WWOX: variants seen among roughly 807,000 people sequenced by gnomAD.
WWOX encodes WW domain containing oxidoreductase.
WWOX carries 69 observed loss-of-function variants against 46.2 expected under a neutral mutation model. The ratio of observed to expected loss-of-function variants is 1.49; its 90% confidence interval spans 1.23 to 1.82. The LOEUF is 1.82. WWOX is among the 40% of genes most tolerant of loss of function. The pLI, the probability that WWOX is intolerant of heterozygous loss-of-function variation, is 0.00. For missense variants in WWOX, 919 were observed against 542.6 expected (o/e 1.69, Z -6.89); for synonymous variants, 359 against 202.6 (o/e 1.77, Z -6.56).
At chr16:78,756,872 T>C (rs1159204868) in intron 8 of WWOX, 1 of 702,232 alleles carries the variant, frequency 1.4e-6, no homozygotes, top group Non-Finnish European at 2.6e-6. Flanking sequence ...TCAGAGCATG[T>C]GACTTACGAG....
At chr16:78,445,513 C>G (rs896402193) in intron 8 of WWOX, among the ~76,000 whole-genome samples, 17 of 152,216 alleles carry the variant, frequency 1.1e-4, no homozygotes, top group African/African-American at 4.1e-4. Flanking sequence ...AGACAAACCA[C>G]TCCGACTTCA....
At chr16:78,363,227 T>C (rs1425620331) in intron 5 of WWOX, among the ~76,000 whole-genome samples, 1 of 152,068 alleles carries the variant, frequency 6.6e-6, no homozygotes, top group Non-Finnish European at 1.5e-5. Context: ...GTCAATTCCA[T>C]ATATTTTTAA....
At chr16:79,086,296 A>G (rs1003699328) in intron 8 of WWOX, among the ~76,000 whole-genome samples, 10 of 152,200 alleles carry the variant, frequency 6.6e-5, no homozygotes, top group African/African-American at 2.2e-4. Flanking sequence ...CTAGTTTCTT[A>G]TTACAAATTA....
intron 8 of WWOX, among the ~76,000 whole-genome samples, chr16:78,688,983 C>T (rs976840136): frequency 3.9e-5 from 6 of 152,192 alleles, no homozygotes; most frequent in South Asian, 4.1e-4. Flanking sequence ...GCTTTCCCTT[C>T]CACCATGATT....
At chr16:79,180,661 C>T (rs1597451626) in intron 8 of WWOX, among the ~76,000 whole-genome samples, 1 of 137,600 alleles carries the variant, frequency 7.3e-6, no homozygotes, top group Admixed American at 6.8e-5. Context: ...CTTCTTCTTT[C>T]TCTCTCTTCT....
intron 1 of WWOX, among the ~76,000 whole-genome samples, chr16:78,107,952 C>T (rs936410069): frequency 3.3e-5 from 5 of 151,938 alleles, no homozygotes; most frequent in Non-Finnish European, 2.9e-5. Flanking sequence ...ATTTTTGAGA[C>T]AGAGTCTTGC....
chr16:79,126,787 G>T (rs1449445074), intron 8 of WWOX, among the ~76,000 whole-genome samples: 1 of 152,110 alleles, frequency 6.6e-6, no homozygotes, highest in Non-Finnish European at 1.5e-5. Context: ...CATAAATTTA[G>T]ACTCCATGCA....
chr16:78,915,719 T>C (rs990226391), intron 8 of WWOX, among the ~76,000 whole-genome samples: 6 of 152,152 alleles, frequency 3.9e-5, no homozygotes, highest in African/African-American at 1.4e-4. Flanking sequence ...TTGCACCAGT[T>C]CTCATCCCGT....
chr16:78,377,769 T>C (rs1343236623), intron 5 of WWOX, among the ~76,000 whole-genome samples: 1 of 152,224 alleles, frequency 6.6e-6, no homozygotes, highest in Non-Finnish European at 1.5e-5. Context: ...GTCTAAGCAT[T>C]TTTAATAGTT....
chr16:78,553,473 A>G (rs1027979278), intron 8 of WWOX, among the ~76,000 whole-genome samples: 4 of 151,962 alleles, frequency 2.6e-5, no homozygotes, highest in Admixed American at 6.6e-5. Context: ...CGAGCCCAAT[A>G]AAGCCAGTGG....
chr16:78,640,086 A>G (rs1404218387), intron 8 of WWOX, among the ~76,000 whole-genome samples: 3 of 152,160 alleles, frequency 2.0e-5, no homozygotes, highest in Non-Finnish European at 4.4e-5. Context: ...AGGGGTTCAA[A>G]ATAGAAACAC....
intron 8 of WWOX, among the ~76,000 whole-genome samples, chr16:78,806,890 A>G (rs1368686394): frequency 6.6e-6 from 1 of 152,126 alleles, no homozygotes; most frequent in Non-Finnish European, 1.5e-5. Flanking sequence ...CTGCAGTGGG[A>G]TATTGGGAAA....
chr16:79,116,423 C>A (rs1048909631), intron 8 of WWOX, among the ~76,000 whole-genome samples: 2 of 152,178 alleles, frequency 1.3e-5, no homozygotes, highest in African/African-American at 4.8e-5. Context: ...TATTCTAAAT[C>A]CTCTGTTGTC....
chr16:78,519,899 G>T (rs765333963), intron 8 of WWOX, among the ~76,000 whole-genome samples: 1 of 152,116 alleles, frequency 6.6e-6, no homozygotes, highest in Non-Finnish European at 1.5e-5. Context: ...TTTTGGGATC[G>T]CAGCGTGAAT....
chr16:78,504,351 A>T (rs2085141020), intron 8 of WWOX, among the ~76,000 whole-genome samples: 1 of 152,238 alleles, frequency 6.6e-6, no homozygotes. Flanking sequence ...GGAGAAAGGT[A>T]CTTTCTGAGA....
chr16:78,536,599 T>C (rs2043764960), intron 8 of WWOX, among the ~76,000 whole-genome samples: 3 of 151,980 alleles, frequency 2.0e-5, no homozygotes, highest in Admixed American at 2.0e-4. Flanking sequence ...TGTTTGAGCC[T>C]CCCCCATTAA....
chr16:78,846,052 G>C (rs985227050), intron 8 of WWOX, among the ~76,000 whole-genome samples: 1 of 152,198 alleles, frequency 6.6e-6, no homozygotes, highest in Non-Finnish European at 1.5e-5. Context: ...ATGGAGTTTG[G>C]AATCTGGCAC....
At chr16:78,693,303 C>G (rs1260481173) in intron 8 of WWOX, among the ~76,000 whole-genome samples, 1 of 152,170 alleles carries the variant, frequency 6.6e-6, no homozygotes, top group African/African-American at 2.4e-5. Flanking sequence ...GTCCCCACCA[C>G]TACCCACAGG....
At chr16:78,887,730 A>G (rs892498257) in intron 8 of WWOX, among the ~76,000 whole-genome samples, 3 of 152,206 alleles carry the variant, frequency 2.0e-5, no homozygotes, top group South Asian at 2.1e-4. Flanking sequence ...ACAAAACAAA[A>G]GAAGATTTCC....
Sources: allele counts gnomAD v4.1 joint callset (sites outside exome capture counted in the v4.1 genomes callset), GRCh38; gene constraint gnomAD v4.1.1; transcripts MANE v1.5; gene names NCBI Gene and HGNC (gene_info 2026-07-23, HGNC 2026-07-21).